Variants in KCND3 observed in about 807,000 individuals in gnomAD.
KCND3 encodes the protein potassium voltage-gated channel subfamily D member 3.
KCND3 carries 9 observed loss-of-function variants against 51.1 expected under a neutral mutation model. The ratio of observed to expected loss-of-function variants is 0.18; its 90% confidence interval spans 0.11 to 0.31. The LOEUF is 0.31. KCND3 is among the 10% of genes least tolerant of loss of function. The probability of loss-of-function intolerance (pLI) is 1.00; values close to 1 mark genes in which losing one functional copy is unlikely to be tolerated. For synonymous variants in KCND3, 349 were observed against 368.0 expected (o/e 0.95, Z 0.59); for missense variants, 526 against 903.8 (o/e 0.58, Z 5.36).
At chr1:111,788,273 A>G (rs1571638290) in intron 2 of KCND3, among the ~76,000 whole-genome samples, 1 of 152,338 alleles carries the variant, frequency 6.6e-6, no homozygotes, top group African/African-American at 2.4e-5. Context: ...AGCCAGAAAC[A>G]CCATCTCCCC....
intron 2 of KCND3, among the ~76,000 whole-genome samples, chr1:111,887,404 G>A (rs1482807944): frequency 1.3e-5 from 2 of 152,168 alleles, no homozygotes; most frequent in Non-Finnish European, 2.9e-5. Context: ...ATTTGGTGGT[G>A]GTCATACCAG....
chr1:111,812,454 C>A (rs1373016412), intron 2 of KCND3, among the ~76,000 whole-genome samples: 3 of 152,168 alleles, frequency 2.0e-5, no homozygotes, highest in African/African-American at 7.2e-5. Context: ...GGCTTCCCTC[C>A]AGGGGAAGCA....
chr1:111,954,066 G>A (rs1036957289), intron 2 of KCND3, among the ~76,000 whole-genome samples: 3 of 152,166 alleles, frequency 2.0e-5, no homozygotes, highest in Admixed American at 6.5e-5. Context: ...GTCACTGTGG[G>A]TTGCTGTGTC....
intron 2 of KCND3, among the ~76,000 whole-genome samples, chr1:111,901,532 T>C (rs1031506272): frequency 1.6e-4 from 24 of 152,162 alleles, no homozygotes; most frequent in African/African-American, 5.8e-4. Flanking sequence ...AGCTAGGCAC[T>C]GGGGACCCGG....
intron 2 of KCND3, among the ~76,000 whole-genome samples, chr1:111,898,283 T>G (rs1360750906): frequency 6.6e-6 from 1 of 152,212 alleles, no homozygotes; most frequent in Non-Finnish European, 1.5e-5. Context: ...AAAAGTGAAT[T>G]TTAAAATGCC....
At chr1:111,879,209 ACT>A (rs1669193057) in intron 2 of KCND3, among the ~76,000 whole-genome samples, 1 of 151,554 alleles carries the variant, frequency 6.6e-6, no homozygotes, top group East Asian at 1.9e-4. Flanking sequence ...CTGAATAATA[ACT>A]CTCTTTCTCT....
chr1:111,941,438 T>TG (rs1336538074), intron 2 of KCND3, among the ~76,000 whole-genome samples: 2 of 152,168 alleles, frequency 1.3e-5, no homozygotes, highest in Non-Finnish European at 2.9e-5. Flanking sequence ...TCCCCAGAGC[T>TG]GGGGGGCTTA....
At chr1:111,917,398 G>A (rs1671269973) in intron 2 of KCND3, among the ~76,000 whole-genome samples, 1 of 152,204 alleles carries the variant, frequency 6.6e-6, no homozygotes, top group Admixed American at 6.5e-5. Flanking sequence ...GCAAGTATGT[G>A]GAGTGCTTAG....
intron 2 of KCND3, among the ~76,000 whole-genome samples, chr1:111,818,457 G>C (rs1666206072): frequency 6.6e-6 from 1 of 152,216 alleles, no homozygotes; most frequent in South Asian, 2.1e-4. Flanking sequence ...GGAGGCCAGG[G>C]AGAAACAACC....
intron 2 of KCND3, among the ~76,000 whole-genome samples, chr1:111,788,069 A>C (rs1039521436): frequency 1.3e-5 from 2 of 152,194 alleles, no homozygotes; most frequent in Non-Finnish European, 2.9e-5. Flanking sequence ...TCTTTTAAGT[A>C]CTTCACACCC....
chr1:111,917,447 C>G (rs1671272332), intron 2 of KCND3, among the ~76,000 whole-genome samples: 1 of 152,080 alleles, frequency 6.6e-6, no homozygotes, highest in Non-Finnish European at 1.5e-5. Flanking sequence ...AGTAAATGCT[C>G]ACTATTATTG....
chr1:111,811,848 G>C (rs2101575139), intron 2 of KCND3, among the ~76,000 whole-genome samples: 1 of 152,252 alleles, frequency 6.6e-6, no homozygotes, highest in Non-Finnish European at 1.5e-5. Context: ...TGAGAGTTTG[G>C]GGCCTGGAGA....
At chr1:111,973,495 C>T (rs746920002) in intron 2 of KCND3, among the ~76,000 whole-genome samples, 1 of 152,204 alleles carries the variant, frequency 6.6e-6, no homozygotes, top group Non-Finnish European at 1.5e-5. Flanking sequence ...GTTTCCAGTC[C>T]TGTTGGGATC....
At chr1:111,841,401 C>A (rs898351474) in intron 2 of KCND3, among the ~76,000 whole-genome samples, 1 of 151,766 alleles carries the variant, frequency 6.6e-6, no homozygotes, top group Non-Finnish European at 1.5e-5. Context: ...CTTGTTTGAC[C>A]ACTCTCTCTT....
At chr1:111,881,509 T>C (rs1669318934) in intron 2 of KCND3, among the ~76,000 whole-genome samples, 1 of 152,242 alleles carries the variant, frequency 6.6e-6, no homozygotes, top group Non-Finnish European at 1.5e-5. Flanking sequence ...CATTTGTTTC[T>C]TTCCTAACCC....
chr1:111,901,388 T>A (rs1485260362), intron 2 of KCND3, among the ~76,000 whole-genome samples: 1 of 152,230 alleles, frequency 6.6e-6, no homozygotes, highest in Non-Finnish European at 1.5e-5. Flanking sequence ...AGAGGCAAGA[T>A]CAACACTTAT....
chr1:111,818,482 C>G (rs559770788), intron 2 of KCND3, among the ~76,000 whole-genome samples: 1 of 152,156 alleles, frequency 6.6e-6, no homozygotes, highest in East Asian at 1.9e-4. Flanking sequence ...GTTGTGCCAG[C>G]GAGGGGTTTT....
intron 2 of KCND3, among the ~76,000 whole-genome samples, chr1:111,922,839 G>C (rs1671535913): frequency 6.6e-6 from 1 of 152,188 alleles, no homozygotes; most frequent in Admixed American, 6.5e-5. Context: ...ATAAGTCTCT[G>C]TTTTATATGG....
At chr1:111,833,286 C>T (rs1666924493) in intron 2 of KCND3, among the ~76,000 whole-genome samples, 1 of 152,226 alleles carries the variant, frequency 6.6e-6, no homozygotes. Context: ...ATGCTGGAAA[C>T]CTTTTAGAAT....
Sources: allele counts gnomAD v4.1 joint callset (sites outside exome capture counted in the v4.1 genomes callset), GRCh38; gene constraint gnomAD v4.1.1; transcripts MANE v1.5; gene names NCBI Gene and HGNC (gene_info 2026-07-23, HGNC 2026-07-21).